CNTN5: variants seen among roughly 807,000 people sequenced by gnomAD.
CNTN5 encodes the protein contactin-5.
A neutral mutation model predicts 129.1 loss-of-function variants in CNTN5; 77 were observed. The ratio of observed to expected loss-of-function variants is 0.60; its 90% CI spans 0.50 to 0.72. The LOEUF (loss-of-function observed/expected upper bound fraction) is 0.72. CNTN5 is among the 30% of genes least tolerant of loss of function. The pLI, the probability that CNTN5 is intolerant of heterozygous loss-of-function variation, is 0.00. For synonymous variants in CNTN5, 509 were observed against 465.6 expected (o/e 1.09, Z -1.20); for missense variants, 1,478 against 1,328.8 (o/e 1.11, Z -1.75).
At chr11:99,332,383 C>T (rs554941194) in intron 2 of CNTN5, among the ~76,000 whole-genome samples, 1 of 152,088 alleles carries the variant, frequency 6.6e-6, no homozygotes, top group African/African-American at 2.4e-5. Flanking sequence ...CTTTTATTTT[C>T]TATACAATAA....
At chr11:99,669,745 C>T (rs949297533) in intron 3 of CNTN5, among the ~76,000 whole-genome samples, 14 of 152,174 alleles carry the variant, frequency 9.2e-5, no homozygotes, top group African/African-American at 2.9e-4. Flanking sequence ...TCTAGAATTC[C>T]GTGATTCTGA....
rs1290575359 is a variant in CNTN5, at chr11:100,191,245, C to G, written c.1700C>G (p.Ser567Cys). The change falls in exon 14 of 25, where the codon TCT becomes TGT. Residue 567 changes from serine (S) to cysteine (C), a missense_variant. Transcript: ENST00000524871. ...TCTGCTGAAATTATAGCTTCGCTATCTGTAAAAGGTAAGACAGCACGGGTA... is the reference window on the plus strand; with the variant it reads ...TCTGCTGAAATTATAGCTTCGCTATGTGTAAAAGGTAAGACAGCACGGGTA... ...FGSAEIIASLSVKEPTRIELT... is the reference protein window; with the variant it reads ...FGSAEIIASLCVKEPTRIELT... The G allele has an allele frequency of 3.7e-6, 6 of 1,612,022 alleles. No individual in the cohort carries two copies. The highest frequency in any genetic ancestry group is 2.2e-5 in the East Asian group (1 of 44,778).
intron 1 of CNTN5, among the ~76,000 whole-genome samples, chr11:99,102,197 G>A (rs1383452577): frequency 1.3e-5 from 2 of 152,076 alleles, no homozygotes; most frequent in Non-Finnish European, 2.9e-5. Context: ...GCAGACAGCA[G>A]GGGGTTCTGG....
intron 2 of CNTN5, among the ~76,000 whole-genome samples, chr11:99,369,225 T>TATA (rs1302737132): frequency 2.7e-5 from 4 of 146,164 alleles, no homozygotes; most frequent in Admixed American, 6.9e-5. Context: ...ATAATATATA[T>TATA]ATATGTATTT....
At chr11:100,121,853 A>C (rs1012022193) in intron 13 of CNTN5, among the ~76,000 whole-genome samples, 38 of 152,170 alleles carry the variant, frequency 2.5e-4, no homozygotes, top group African/African-American at 8.9e-4. Context: ...AAAATAGAGC[A>C]GATTAAAAGT....
chr11:100,006,205 GTC>G (rs1269623851), intron 9 of CNTN5, among the ~76,000 whole-genome samples: 1 of 152,062 alleles, frequency 6.6e-6, no homozygotes, highest in African/African-American at 2.4e-5. Context: ...GCTGATATAA[GTC>G]TTCAGCAAAT....
At chr11:100,319,214 G>T (rs560584856) in intron 21 of CNTN5, among the ~76,000 whole-genome samples, 1 of 149,014 alleles carries the variant, frequency 6.7e-6, no homozygotes, top group African/African-American at 2.5e-5. Context: ...GTGCCATGGC[G>T]CAATCTCAGC....
Position 99,844,883 on chromosome 11 carries a change from A to G in CNTN5, c.309A>G (p.Gln103=). 1 of 1,613,712 alleles carries G rather than the reference A, an allele frequency of 6.2e-7. No individual in the cohort carries two copies. The highest frequency in any genetic ancestry group is 8.5e-7 in the Non-Finnish European group (1 of 1,179,718). The part of the protein sequence containing the change: ...ESVDYGPVFV[Q]EPDDIIFPTD... ...TGGACTATGGGCCAGTTTTTGTGCA[A>G]GAACCAGATGATATTATTTTTCCAA... Residue 103 remains glutamine, a synonymous_variant, in exon 5 of 25, where the codon CAA becomes CAG. Coordinates refer to ENST00000524871, the MANE Select transcript of CNTN5 (RefSeq NM_014361.4).
intron 7 of CNTN5, among the ~76,000 whole-genome samples, chr11:99,932,110 C>G (rs189065831): frequency 6.6e-6 from 1 of 152,156 alleles, no homozygotes; most frequent in Non-Finnish European, 1.5e-5. Flanking sequence ...TTTTCAGCTT[C>G]CTTGCCTTTG....
chr11:100,256,347 T>C lies in CNTN5; in HGVS notation c.2164+429T>C, dbSNP rs115817984. Among the ~76,000 whole-genome samples, 1,205 of 152,302 alleles carry C rather than the reference T, an allele frequency of 7.9e-3. 9 individuals carry two copies. Among genetic ancestry groups the C allele is most frequent in the African/African-American group, 0.028 (1,159 of 41,550 alleles). On this transcript the variant is annotated intron_variant, in intron 17 of 24. Transcript: ENST00000524871. Reference sequence around the variant, plus strand: ...CACTAGTTTTGATATGCAATTGTTTTAGTGTGTACTTATATGAGATTCTAT... The same window carrying C: ...CACTAGTTTTGATATGCAATTGTTTCAGTGTGTACTTATATGAGATTCTAT...
chr11:99,581,667 T>C (rs1455991392), intron 3 of CNTN5, among the ~76,000 whole-genome samples: 1 of 152,228 alleles, frequency 6.6e-6, no homozygotes. Context: ...CTGCCTTTTT[T>C]TGTTTTCCAT....
intron 1 of CNTN5, among the ~76,000 whole-genome samples, chr11:99,166,459 A>C (rs1433005526): frequency 6.6e-6 from 1 of 151,964 alleles, no homozygotes; most frequent in African/African-American, 2.4e-5. Flanking sequence ...AGCATAGTGT[A>C]AAAATGGGTA....
chr11:99,509,700 C>T (rs1946761935), intron 2 of CNTN5, among the ~76,000 whole-genome samples: 1 of 151,042 alleles, frequency 6.6e-6, no homozygotes, highest in South Asian at 2.1e-4. Flanking sequence ...AAAATATACA[C>T]AAAAATGAAT....
At position 99,598,162 on chromosome 11, in the gene CNTN5, T is replaced by C. The variant is rs145926369; in HGVS notation, c.55+41893T>C. 7.1e-4 allele frequency among the ~76,000 whole-genome samples: 108 copies of C among 152,152 alleles called. 1 individual carries two copies. Among genetic ancestry groups the C allele is most frequent in the African/African-American group, 2.6e-3 (107 of 41,512 alleles). ...TGGGGAGGTATGTCAAGAATAACAA[T>C]TTTTGCTCCCTAAAACTGTATCCAT... is the stretch of plus-strand genomic sequence containing the variant. On this transcript the variant is annotated intron_variant, in intron 3 of 24. Transcript: ENST00000524871.
At chr11:100,294,598 A>G (rs1022082358) in intron 18 of CNTN5, among the ~76,000 whole-genome samples, 1 of 151,722 alleles carries the variant, frequency 6.6e-6, no homozygotes, top group Non-Finnish European at 1.5e-5. Flanking sequence ...TGACTGAGGA[A>G]GAAGAGTCTA....
chr11:99,932,216 A>G (rs1305946536), intron 7 of CNTN5, among the ~76,000 whole-genome samples: 2 of 151,900 alleles, frequency 1.3e-5, no homozygotes, highest in Non-Finnish European at 2.9e-5. Flanking sequence ...TTTGAGACGG[A>G]GTCTCGCTGT....
Position 99,671,468 on chromosome 11 carries a change from T to C in CNTN5, c.55+115199T>C, listed in dbSNP as rs1953040957. Among the ~76,000 whole-genome samples the C allele has an allele frequency of 2.6e-5, 4 of 152,170 alleles. 1 individual carries two copies. Among genetic ancestry groups the C allele is most frequent in the Admixed American group, 2.6e-4 (4 of 15,262 alleles). On this transcript the variant is annotated intron_variant, in intron 3 of 24. Coordinates refer to ENST00000524871, the MANE Select transcript of CNTN5 (RefSeq NM_014361.4). ...GTGAATTTGTGTGCATGTGTGCGTGTGTGTGTATGAGAGTGAAACACATGC... is the reference window on the plus strand; with the variant it reads ...GTGAATTTGTGTGCATGTGTGCGTGCGTGTGTATGAGAGTGAAACACATGC...
intron 1 of CNTN5, among the ~76,000 whole-genome samples, chr11:99,021,971 A>G (rs1411820699): frequency 6.6e-6 from 1 of 152,228 alleles, no homozygotes; most frequent in African/African-American, 2.4e-5. Flanking sequence ...TGTTTCAACT[A>G]TATTTATTTG....
chr11:99,096,216 A>T (rs1866462415), intron 1 of CNTN5, among the ~76,000 whole-genome samples: 1 of 151,908 alleles, frequency 6.6e-6, no homozygotes, highest in African/African-American at 2.4e-5. Flanking sequence ...AATTGGTTTT[A>T]GATACAAAGC....
Sources: allele counts gnomAD v4.1 joint callset (sites outside exome capture counted in the v4.1 genomes callset), GRCh38; gene constraint gnomAD v4.1.1; transcripts MANE v1.5; gene names NCBI Gene and HGNC (gene_info 2026-07-23, HGNC 2026-07-21).